The following C1GALT1 variants were observed in gnomAD, a reference collection of about 807,000 sequenced individuals.
C1GALT1 encodes glycoprotein-N-acetylgalactosamine 3-beta-galactosyltransferase 1.
Under a neutral mutation model 31.0 loss-of-function variants are expected in C1GALT1, and 11 were observed. The observed-to-expected ratio is 0.36, with a 90% CI of 0.22 to 0.59. The LOEUF (loss-of-function observed/expected upper bound fraction) is 0.59, where lower values mean the gene tolerates loss of function less well. Among genes scored for constraint, C1GALT1 ranks in the 20% least tolerant of loss-of-function variants. The pLI, the probability that C1GALT1 is intolerant of heterozygous loss-of-function variation, is 0.79. For missense variants in C1GALT1, 424 were observed against 425.2 expected, an observed-to-expected ratio of 1.00 and a Z score of 0.03; for synonymous variants, 175 against 143.6, an observed-to-expected ratio of 1.22 and a Z score of -1.56.
At chr7:7,217,419 A>G (rs894264256) in intron 1 of C1GALT1, among the ~76,000 whole-genome samples, 2 of 151,976 alleles carry the variant, frequency 1.3e-5, no homozygotes, top group Admixed American at 6.6e-5. Flanking sequence ...GCTGCAGTGT[A>G]GTGGTCATTC....
intron 1 of C1GALT1, among the ~76,000 whole-genome samples, chr7:7,213,968 C>G (rs1782121115): frequency 6.6e-6 from 1 of 152,190 alleles, no homozygotes; most frequent in African/African-American, 2.4e-5. Context: ...ATTTTGTAAT[C>G]AGTCCATCCC....
intron 1 of C1GALT1, among the ~76,000 whole-genome samples, chr7:7,184,024 T>C (rs1281737634): frequency 6.6e-6 from 1 of 151,984 alleles, no homozygotes; most frequent in Admixed American, 6.5e-5. Flanking sequence ...GTTTGGGAAG[T>C]TGGAATCCGA....
chr7:7,221,623 T>C (rs1364132019), intron 1 of C1GALT1, among the ~76,000 whole-genome samples: 1 of 152,232 alleles, frequency 6.6e-6, no homozygotes, highest in African/African-American at 2.4e-5. Context: ...TTTTTAACTG[T>C]AGGATGATCC....
chr7:7,248,120 A>T lies in C1GALT1; in HGVS notation c.*4393A>T, dbSNP rs1372014212. 1 of 152,070 alleles carries T rather than the reference A, an allele frequency of 6.6e-6. No homozygotes were observed. The highest frequency in any genetic ancestry group is 1.5e-5 in the Non-Finnish European group (1 of 67,890). 9.4% of individuals were successfully genotyped at this position (152,070 alleles called of 1,614,324 possible). A position where few individuals can be genotyped will look rare whatever the true frequency, so the allele number is the denominator to read the frequency against. On this transcript the variant is annotated 3_prime_UTR_variant, in exon 4 of 4. Transcript: ENST00000436587. The stretch of plus-strand genomic sequence containing the variant: ...TGGGAGGCAACCTGTGGTAGATTTT[A>T]TGCTAAATGTTAATGTAACCTCTGT...
At chr7:7,195,433 A>G (rs1223995094) in intron 1 of C1GALT1, among the ~76,000 whole-genome samples, 1 of 152,180 alleles carries the variant, frequency 6.6e-6, no homozygotes, top group East Asian at 1.9e-4. Context: ...TGTTGACTGA[A>G]TGATCATTCA....
At chr7:7,187,908 T>TA (rs1162307508) in intron 1 of C1GALT1, among the ~76,000 whole-genome samples, 1 of 152,194 alleles carries the variant, frequency 6.6e-6, no homozygotes, top group Non-Finnish European at 1.5e-5. Flanking sequence ...ATCATGTTAA[T>TA]AAAAAATGTT....
At chr7:7,176,316 T>C (rs1780505949) in intron 2 of C1GALT1, among the ~76,000 whole-genome samples, 1 of 152,240 alleles carries the variant, frequency 6.6e-6, no homozygotes, top group African/African-American at 2.4e-5. Flanking sequence ...ATTATGCAGC[T>C]ACACAATTTG....
At chr7:7,241,109 A>ATC (rs60015770) in intron 3 of C1GALT1, among the ~76,000 whole-genome samples, 131,620 of 151,802 alleles carry the variant, frequency 0.87, 57,148 homozygotes, top group Middle Eastern at 0.94. Context: ...TTACATATAT[A>ATC]TCTCTCTACA....
intron 2 of C1GALT1, among the ~76,000 whole-genome samples, chr7:7,169,911 G>C (rs1780435224): frequency 1.3e-5 from 2 of 152,190 alleles, no homozygotes; most frequent in Admixed American, 1.3e-4. Context: ...TTTTCTGAAA[G>C]AGTTTGAGAA....
intron 1 of C1GALT1, among the ~76,000 whole-genome samples, chr7:7,225,712 G>A (rs1019651905): frequency 1.3e-5 from 2 of 152,166 alleles, no homozygotes; most frequent in African/African-American, 4.8e-5. Flanking sequence ...TCTGAAACCA[G>A]TTCCAATCTC....
At chr7:7,216,737 T>C (rs981452761) in intron 1 of C1GALT1, among the ~76,000 whole-genome samples, 1 of 152,212 alleles carries the variant, frequency 6.6e-6, no homozygotes, top group African/African-American at 2.4e-5. Context: ...GTTTTCCCAC[T>C]GATGGGACAA....
intron 3 of C1GALT1, among the ~76,000 whole-genome samples, chr7:7,240,667 C>A (rs1367832537): frequency 6.6e-6 from 1 of 152,082 alleles, no homozygotes; most frequent in Non-Finnish European, 1.5e-5. Flanking sequence ...CAAATTTGTT[C>A]TTTCTCTAGA....
intron 1 of C1GALT1, among the ~76,000 whole-genome samples, chr7:7,185,586 C>T (rs1468225041): frequency 3.3e-5 from 5 of 152,186 alleles, no homozygotes; most frequent in Admixed American, 2.6e-4. Context: ...TATGTCACTC[C>T]AGTCTGTGAC....
At chr7:7,239,021 C>A (rs750807977) in intron 3 of C1GALT1, 99 bp downstream of exon 3, 1 of 940,916 alleles carries the variant, frequency 1.1e-6, no homozygotes, top group Admixed American at 2.8e-5. Context: ...GTACCAACAA[C>A]AAGGACTCTT....
chr7:7,157,519 G>T (rs1024024321), intron 2 of C1GALT1: 3 of 152,178 alleles, frequency 2.0e-5, no homozygotes, highest in African/African-American at 7.2e-5. Context: ...CCATAACCTT[G>T]CCCTGACTTG....
At chr7:7,241,469 T>G (rs1462629679) in intron 3 of C1GALT1, among the ~76,000 whole-genome samples, 2 of 152,030 alleles carry the variant, frequency 1.3e-5, no homozygotes, top group African/African-American at 4.8e-5. Flanking sequence ...ACTCTTCTTT[T>G]TTTCTAAGTG....
intron 1 of C1GALT1, 25 bp from the exon 2 acceptor site, chr7:7,234,278 A>G: frequency 3.9e-5 from 60 of 1,547,468 alleles, no homozygotes; most frequent in Non-Finnish European, 5.3e-5. Flanking sequence ...ATTTTATAAC[A>G]TCCTGCTAAT....
intron 1 of C1GALT1, among the ~76,000 whole-genome samples, chr7:7,232,885 C>T (rs1783153867): frequency 6.6e-6 from 1 of 152,246 alleles, no homozygotes; most frequent in African/African-American, 2.4e-5. Context: ...TTAAAATTAC[C>T]TTTTTAAAAT....
intron 1 of C1GALT1, among the ~76,000 whole-genome samples, chr7:7,186,850 G>A (rs1250064170): frequency 6.6e-6 from 1 of 152,228 alleles, no homozygotes; most frequent in African/African-American, 2.4e-5. Context: ...ATACTGGGGA[G>A]AAGAGATCAG....
Sources: gnomAD v4.1 joint callset for allele counts (sites outside exome capture counted in the v4.1 genomes callset) on GRCh38, gnomAD v4.1.1 for gene constraint, MANE v1.5 for transcripts, NCBI Gene and HGNC (gene_info 2026-07-23, HGNC 2026-07-21) for gene names.